PBX1: variants seen among roughly 807,000 people sequenced by gnomAD.
The protein encoded by PBX1 is pre-B-cell leukemia transcription factor 1.
PBX1 carries 6 observed loss-of-function variants against 53.4 expected under a neutral mutation model. That is an observed-to-expected ratio of 0.11 (90% CI 0.06 to 0.22). The LOEUF (loss-of-function observed/expected upper bound fraction) is 0.22, where lower values mean the gene tolerates loss of function less well. PBX1 is among the 10% of genes least tolerant of loss of function. PBX1 has a pLI of 1.00. For missense variants in PBX1, 251 were observed against 551.4 expected (o/e 0.46, Z 5.46); for synonymous variants, 204 against 212.3 (o/e 0.96, Z 0.34).
chr1:164,651,662 A>G (rs1659828019), intron 2 of PBX1, among the ~76,000 whole-genome samples: 1 of 152,202 alleles, frequency 6.6e-6, no homozygotes, highest in South Asian at 2.1e-4. Context: ...GTGGGGGGAG[A>G]AGAAAGGAGG....
intron 2 of PBX1, among the ~76,000 whole-genome samples, chr1:164,649,353 T>C (rs1355959400): frequency 6.6e-6 from 1 of 152,214 alleles, no homozygotes; most frequent in Non-Finnish European, 1.5e-5. Context: ...GACTCATCTA[T>C]TTTCATGCCA....
intron 2 of PBX1, among the ~76,000 whole-genome samples, chr1:164,791,573 A>G (rs1233959041): frequency 6.6e-6 from 1 of 152,192 alleles, no homozygotes; most frequent in Non-Finnish European, 1.5e-5. Context: ...TTCCACATGT[A>G]CTGGATTTGT....
Position 164,846,954 on chromosome 1 carries a change from T to C in PBX1, c.*278T>C. On this transcript the variant is annotated 3_prime_UTR_variant, in exon 9 of 9. Transcript: ENST00000420696. The stretch of plus-strand genomic sequence containing the variant: ...CATCTTCCCTGCCCCTGTGCCTCTG[T>C]CCTAGACTCCCGGGGTCCCCGCCCT... 1 of 1,292,302 alleles carries C rather than the reference T, an allele frequency of 7.7e-7. No individual in the cohort carries two copies. The allele number at this position is 1,292,302 out of a possible 1,614,324, so 80.1% of individuals were successfully genotyped here.
intron 7 of PBX1, among the ~76,000 whole-genome samples, 174 bp downstream of exon 7, chr1:164,820,358 C>T (rs1670093635): frequency 2.0e-5 from 3 of 152,162 alleles, no homozygotes; most frequent in African/African-American, 7.2e-5. Context: ...ATCTCGTCCA[C>T]ACTTTGTGAA....
chr1:164,879,073 T>C (rs567125791), intron 2 of PBX1, among the ~76,000 whole-genome samples: 2 of 152,312 alleles, frequency 1.3e-5, no homozygotes, highest in Admixed American at 1.3e-4. Flanking sequence ...GGATTAGCTG[T>C]CAATTAAGAG....
intron 2 of PBX1, among the ~76,000 whole-genome samples, chr1:164,710,263 A>G (rs572702410): frequency 6.6e-6 from 1 of 152,312 alleles, no homozygotes; most frequent in South Asian, 2.1e-4. Flanking sequence ...TTAGATTCAT[A>G]TACCGTTTTT....
intron 8 of PBX1, among the ~76,000 whole-genome samples, chr1:164,827,919 A>C (rs548725929): frequency 6.6e-6 from 1 of 152,232 alleles, no homozygotes; most frequent in African/African-American, 2.4e-5. Flanking sequence ...CTCTGATGTC[A>C]GTCAGGGTAC....
At chr1:164,716,707 C>G (rs1664108684) in intron 2 of PBX1, among the ~76,000 whole-genome samples, 1 of 150,596 alleles carries the variant, frequency 6.6e-6, no homozygotes, top group Admixed American at 6.6e-5. Flanking sequence ...CACACACACA[C>G]ACACACACAC....
chr1:164,808,538 A>T (rs946922655), intron 5 of PBX1, among the ~76,000 whole-genome samples: 3 of 152,174 alleles, frequency 2.0e-5, no homozygotes, highest in African/African-American at 7.2e-5. Flanking sequence ...TTCCATTAAA[A>T]CTGGGGAGGG....
chr1:164,786,718 T>TGG, intron 2 of PBX1, among the ~76,000 whole-genome samples: 1 of 100,076 alleles, frequency 1.0e-5, no homozygotes, highest in African/African-American at 4.3e-5. Flanking sequence ...TGTGTGTGTG[T>TGG]GTGCGCGCGC....
At chr1:164,842,273 C>G (rs1671340202) in intron 8 of PBX1, among the ~76,000 whole-genome samples, 1 of 152,142 alleles carries the variant, frequency 6.6e-6, no homozygotes, top group Non-Finnish European at 1.5e-5. Context: ...TCAGGAGAAA[C>G]CACGTGGGTT....
At chr1:164,591,739 C>T (rs192699017) in intron 2 of PBX1, among the ~76,000 whole-genome samples, 55 of 152,314 alleles carry the variant, frequency 3.6e-4, no homozygotes, top group Admixed American at 2.3e-3. Context: ...ATTCTGTTAG[C>T]AGACTTGTGC....
rs1233277258 is a variant in PBX1 at position 164,846,949 on chromosome 1, C to T, written c.*273C>T. ...TTCGTCATCTTCCCTGCCCCTGTGC[C>T]TCTGTCCTAGACTCCCGGGGTCCCC... On this transcript the variant is annotated 3_prime_UTR_variant, in exon 9 of 9. Coordinates refer to ENST00000420696, the MANE Select transcript of PBX1 (RefSeq NM_002585.4). 3.0e-6 allele frequency: 4 copies of T among 1,335,250 alleles called. No individual in the cohort carries two copies. In the African/African-American group the frequency reaches 4.4e-5, roughly 15 times the overall value. 82.7% of individuals were successfully genotyped at this position (1,335,250 alleles called of 1,614,324 possible). A position where few individuals can be genotyped will look rare whatever the true frequency, so the allele number is the denominator to read the frequency against.
At position 164,692,743 on chromosome 1, in the gene PBX1, T is replaced by C. The variant is rs181980845; in HGVS notation, c.266-99751T>C. Among the ~76,000 whole-genome samples, 4 of 152,288 alleles carry C rather than the reference T, an allele frequency of 2.6e-5. No homozygotes were observed. In the East Asian group the frequency reaches 7.7e-4, roughly 29 times the overall value. On this transcript the variant is annotated intron_variant, in intron 2 of 8. Transcript: ENST00000420696. ...GTATATTGTAGATGTATTTTTTATA[T>C]TGTAAATGCATTAACTACTCAAAAA...
chr1:164,874,696 G>T (rs1469680267), intron 2 of PBX1, among the ~76,000 whole-genome samples: 1 of 152,110 alleles, frequency 6.6e-6, no homozygotes, highest in Non-Finnish European at 1.5e-5. Context: ...TTTTCTCCAT[G>T]TTGGCCTGGC....
intron 2 of PBX1, among the ~76,000 whole-genome samples, chr1:164,594,209 G>A (rs1050220010): frequency 2.0e-5 from 3 of 152,068 alleles, no homozygotes; most frequent in African/African-American, 4.8e-5. Flanking sequence ...GGAAGATCAC[G>A]CAGAAGCACA....
In PBX1 at chr1:164,847,833, A is replaced by T; in HGVS notation, c.*1157A>T. ...GCAGGCCCACTAGCGTGCACTTACC[A>T]GAATGGCATACACAGGACCTGATCA... On this transcript the variant is annotated 3_prime_UTR_variant, in exon 9 of 9. Transcript: ENST00000420696. The T allele has an allele frequency of 9.5e-7, 1 of 1,055,304 alleles. No individual in the cohort carries two copies. The highest frequency in any genetic ancestry group is 1.1e-6 in the Non-Finnish European group (1 of 873,018). 65.4% of individuals were successfully genotyped at this position (1,055,304 alleles called of 1,614,324 possible). A position where few individuals can be genotyped will look rare whatever the true frequency, so the allele number is the denominator to read the frequency against.
intron 2 of PBX1, among the ~76,000 whole-genome samples, chr1:164,729,718 C>T (rs1184807212): frequency 2.0e-5 from 3 of 152,108 alleles, no homozygotes; most frequent in African/African-American, 7.2e-5. Context: ...TTATAAGTGG[C>T]ATATTTAATC....
At chr1:164,605,740 C>T (rs777751906) in intron 2 of PBX1, among the ~76,000 whole-genome samples, 8 of 152,022 alleles carry the variant, frequency 5.3e-5, no homozygotes, top group African/African-American at 7.3e-5. Context: ...AGGTTGCTTG[C>T]GGGGATTATT....
Sources: allele counts gnomAD v4.1 joint callset (sites outside exome capture counted in the v4.1 genomes callset), GRCh38; gene constraint gnomAD v4.1.1; transcripts MANE v1.5; gene names NCBI Gene and HGNC (gene_info 2026-07-23, HGNC 2026-07-21).